The following UGT1A5 variants were observed in gnomAD, a reference collection of about 807,000 sequenced individuals.
UGT1A5 encodes UDP-glucuronosyltransferase 1A5.
In UGT1A5, 29 loss-of-function variants were observed where a neutral mutation model predicts 40.3. That is an observed-to-expected ratio of 0.72 (90% CI 0.54 to 0.98). The LOEUF (loss-of-function observed/expected upper bound fraction) is 0.98. Ranked by LOEUF, UGT1A5 falls within the 50% of genes least tolerant of loss-of-function variation. The probability of loss-of-function intolerance (pLI) is 0.00; values close to 1 mark genes in which losing one functional copy is unlikely to be tolerated. For missense variants in UGT1A5, 678 were observed against 677.9 expected, an observed-to-expected ratio of 1.00 and a Z score of 0.00; for synonymous variants, 257 against 262.5, an observed-to-expected ratio of 0.98 and a Z score of 0.20.
chr2:233,737,268 C>T (rs1008079233), intron 1 of UGT1A5, among the ~76,000 whole-genome samples: 4 of 152,268 alleles, frequency 2.6e-5, no homozygotes, highest in African/African-American at 9.6e-5. Context: ...CAATGGCGGA[C>T]ACCCCTCACC....
At chr2:233,721,716 GT>G (rs1452034335) in intron 1 of UGT1A5, 1 of 386,646 alleles carries the variant, frequency 2.6e-6, no homozygotes, top group African/African-American at 2.1e-5. Context: ...TGGATGCTTT[GT>G]TTACTTGGAT....
At chr2:233,771,903 G>C (rs937853722) in intron 4 of UGT1A5, among the ~76,000 whole-genome samples, 1 of 151,428 alleles carries the variant, frequency 6.6e-6, no homozygotes, top group Non-Finnish European at 1.5e-5. Context: ...AACCTTTCAG[G>C]TGATAATAGT....
At chr2:233,756,500 A>G (rs976556517) in intron 1 of UGT1A5, 2 of 152,096 alleles carry the variant, frequency 1.3e-5, no homozygotes, top group East Asian at 1.9e-4. Context: ...GCCCAAGTAT[A>G]TGGAGGGTCA....
intron 1 of UGT1A5, chr2:233,761,020 C>T (rs1412278754): frequency 9.9e-6 from 16 of 1,614,116 alleles, no homozygotes; most frequent in Non-Finnish European, 1.4e-5. Context: ...GGTGACTGTC[C>T]AGGACCTATT....
chr2:233,719,580 G>C, intron 1 of UGT1A5: 1 of 1,613,916 alleles, frequency 6.2e-7, no homozygotes, highest in Non-Finnish European at 8.5e-7. Context: ...CTATGCATCC[G>C]TGTGGCTGTT....
At chr2:233,753,801 T>C (rs1243795738) in intron 1 of UGT1A5, 1 of 152,208 alleles carries the variant, frequency 6.6e-6, no homozygotes, top group Admixed American at 6.5e-5. Context: ...GGACCTACCA[T>C]AGTTGGAGAA....
Position 233,712,959 on chromosome 2 carries a change from G to A in UGT1A5, c.-33G>A, listed in dbSNP as rs372681148. On this transcript the variant is annotated 5_prime_UTR_variant, in exon 1 of 5. In the 5' UTR this introduces an upstream ATG that the reference lacks. Transcript: ENST00000373414. ...ACAATTCTAGGAGGCACAACGTGGG[G>A]TGGACAGTCAGCTGTCGGTGGCTTC... The A allele has an allele frequency of 6.2e-7, 1 of 1,612,876 alleles. No individual in the cohort carries two copies. The highest frequency in any genetic ancestry group is 1.1e-5 in the South Asian group (1 of 91,020).
At chr2:233,747,834 C>A (rs367969485) in intron 1 of UGT1A5, 5 of 1,613,520 alleles carry the variant, frequency 3.1e-6, no homozygotes, top group South Asian at 1.1e-5. Context: ...CATGACATTC[C>A]TGCAAAGGGT....
chr2:233,758,383 T>C (rs1384884444), intron 1 of UGT1A5, among the ~76,000 whole-genome samples: 2 of 152,192 alleles, frequency 1.3e-5, no homozygotes, highest in East Asian at 3.8e-4. Context: ...AGTGGTGACT[T>C]ATGTGTTTAT....
intron 1 of UGT1A5, chr2:233,747,473 T>G: frequency 1.4e-5 from 23 of 1,608,772 alleles, no homozygotes; most frequent in Non-Finnish European, 1.9e-5. Flanking sequence ...GGACCCAGGA[T>G]GAATTTGATC....
rs760077462 is a variant in UGT1A5, at chr2:233,725,078, TC to T, written c.867+11221del. Among the ~76,000 whole-genome samples, 17 of 144,282 alleles carry T rather than the reference TC, an allele frequency of 1.2e-4. 2 individuals carry two copies. Among genetic ancestry groups the T allele is most frequent in the Non-Finnish European group, 2.4e-4 (16 of 65,662 alleles). The allele number at this position is 144,282 out of a possible 152,430, so 94.7% of individuals were successfully genotyped here. On this transcript the variant is annotated intron_variant, in intron 1 of 4. Coordinates refer to ENST00000373414, the MANE Select transcript of UGT1A5 (RefSeq NM_019078.2). ...GGCGCGCGCCTGCAATCGCAGGCAC[TC>T]GGCAGGCTGAGGCAGGAGAATCAGG...
In UGT1A5 at chr2:233,719,438, A is replaced by C. The variant is rs755711754; in HGVS notation, c.867+5580A>C. 1.9e-6 allele frequency: 3 copies of C among 1,613,802 alleles called. No homozygotes were observed. In the African/African-American group the frequency reaches 4.0e-5, roughly 22 times the overall value. ...TAACGACCAATTCAGACCACATGAC[A>C]TTCCTGCAAAGGGTCAAGAACATGC... On this transcript the variant is annotated intron_variant, in intron 1 of 4. Transcript: ENST00000373414.
chr2:233,714,538 C>T (rs945612338), intron 1 of UGT1A5, among the ~76,000 whole-genome samples: 18 of 152,120 alleles, frequency 1.2e-4, no homozygotes, highest in Non-Finnish European at 2.2e-4. Flanking sequence ...GGTCTAATAC[C>T]GAAGTGTCCA....
intron 1 of UGT1A5, chr2:233,761,099 A>G: frequency 5.0e-6 from 8 of 1,614,170 alleles, no homozygotes; most frequent in African/African-American, 1.3e-5. Context: ...ATCATGCCCA[A>G]TATGGTTTTT....
At chr2:233,754,239 C>A in intron 1 of UGT1A5, 1 of 170,838 alleles carries the variant, frequency 5.9e-6, no homozygotes. Flanking sequence ...CTGGCTCACA[C>A]TTTCCCAACG....
At chr2:233,742,365 T>C (rs879560468) in intron 1 of UGT1A5, among the ~76,000 whole-genome samples, 1 of 151,994 alleles carries the variant, frequency 6.6e-6, no homozygotes, top group African/African-American at 2.4e-5. Flanking sequence ...AGCAGAAACA[T>C]GTCCTTAAGG....
At chr2:233,752,737 C>A (rs1338142653) in intron 1 of UGT1A5, among the ~76,000 whole-genome samples, 1 of 152,024 alleles carries the variant, frequency 6.6e-6, no homozygotes. Flanking sequence ...AGAGAGAGAC[C>A]CTGTCTCTAA....
At chr2:233,732,848 A>G (rs1171011908) in intron 1 of UGT1A5, among the ~76,000 whole-genome samples, 1 of 145,490 alleles carries the variant, frequency 6.9e-6, no homozygotes, top group African/African-American at 2.6e-5. Context: ...CAATTTTGTG[A>G]AGTCATTGGT....
intron 1 of UGT1A5, among the ~76,000 whole-genome samples, chr2:233,736,821 G>A (rs1368702103): frequency 6.6e-6 from 1 of 152,198 alleles, no homozygotes; most frequent in Non-Finnish European, 1.5e-5. Flanking sequence ...CACTCCAGAT[G>A]CTCTTTGCTT....
Sources: gnomAD v4.1 joint callset for allele counts (sites outside exome capture counted in the v4.1 genomes callset) on GRCh38, gnomAD v4.1.1 for gene constraint, MANE v1.5 for transcripts, NCBI Gene and HGNC (gene_info 2026-07-23, HGNC 2026-07-21) for gene names.